TEX9: variants seen among roughly 807,000 people sequenced by gnomAD.
TEX9 encodes testis-expressed protein 9.
TEX9 carries 74 observed loss-of-function variants against 59.6 expected under a neutral mutation model. The observed-to-expected ratio is 1.24, with a 90% CI of 1.03 to 1.51. The LOEUF is 1.51. Ranked by LOEUF, TEX9 falls within the 40% of genes most tolerant of loss-of-function variation. The probability of loss-of-function intolerance (pLI) is 0.00; values close to 1 mark genes in which losing one functional copy is unlikely to be tolerated. For synonymous variants in TEX9, 186 were observed against 152.2 expected, an observed-to-expected ratio of 1.22 and a Z score of -1.64; for missense variants, 522 against 447.8, an observed-to-expected ratio of 1.17 and a Z score of -1.49.
At chr15:56,399,117 G>A (rs1220241356) in intron 9 of TEX9, among the ~76,000 whole-genome samples, 4 of 152,210 alleles carry the variant, frequency 2.6e-5, no homozygotes, top group Non-Finnish European at 5.9e-5. Flanking sequence ...TTGGACAGTG[G>A]GTGCAGCCCA....
intron 3 of TEX9, among the ~76,000 whole-genome samples, chr15:56,377,746 C>G (rs1265165567): frequency 6.6e-6 from 1 of 152,040 alleles, no homozygotes; most frequent in Non-Finnish European, 1.5e-5. Context: ...TGTCTGATTG[C>G]TCTAGTTAGG....
chr15:56,318,665 CTTG>C (rs796412485), intron 1 of TEX9, among the ~76,000 whole-genome samples: 58 of 151,860 alleles, frequency 3.8e-4, no homozygotes, highest in African/African-American at 1.3e-3. Flanking sequence ...TTTTAATTCT[CTTG>C]TTGTTTCTTT....
intron 2 of TEX9, among the ~76,000 whole-genome samples, chr15:56,367,433 A>G (rs1294025395): frequency 6.6e-6 from 1 of 152,186 alleles, no homozygotes; most frequent in African/African-American, 2.4e-5. Context: ...AGGGACCTCA[A>G]TCCAAAACCT....
intron 1 of TEX9, chr15:56,274,669 T>A (rs1328567087): frequency 6.6e-6 from 1 of 152,176 alleles, no homozygotes; most frequent in African/African-American, 2.4e-5. Flanking sequence ...CTAGAGAGTG[T>A]GTAGAACAGT....
chr15:56,413,280 ATAAT>A (rs2049490779), intron 10 of TEX9, among the ~76,000 whole-genome samples: 1 of 842 alleles, frequency 1.2e-3, no homozygotes, highest in South Asian at 0.071. Context: ...TAATAATTAA[ATAAT>A]TTAATAATAA....
At chr15:56,385,189 A>G (rs1177060492) in intron 4 of TEX9, among the ~76,000 whole-genome samples, 3 of 152,130 alleles carry the variant, frequency 2.0e-5, no homozygotes, top group African/African-American at 7.2e-5. Flanking sequence ...TTGGACTTTC[A>G]TATCTGTTCC....
At chr15:56,246,022 G>C (rs373605334) in intron 1 of TEX9, among the ~76,000 whole-genome samples, 1 of 152,150 alleles carries the variant, frequency 6.6e-6, no homozygotes, top group Non-Finnish European at 1.5e-5. Flanking sequence ...AGTCATCGAG[G>C]GGGTAACGTA....
At chr15:56,358,414 TGAA>T (rs2046727890) in intron 1 of TEX9, among the ~76,000 whole-genome samples, 1 of 151,826 alleles carries the variant, frequency 6.6e-6, no homozygotes, top group Admixed American at 6.6e-5. Flanking sequence ...ACAATTTTGT[TGAA>T]GAAGAAAATC....
intron 1 of TEX9, among the ~76,000 whole-genome samples, chr15:56,246,613 C>A (rs1261650768): frequency 1.3e-5 from 2 of 152,184 alleles, no homozygotes; most frequent in African/African-American, 4.8e-5. Flanking sequence ...ACTGAGGACC[C>A]TCAAGGACCC....
At chr15:56,413,333 CAAT>C (rs2049500833) in intron 10 of TEX9, among the ~76,000 whole-genome samples, 2 of 99,820 alleles carry the variant, frequency 2.0e-5, no homozygotes, top group African/African-American at 3.0e-5. Flanking sequence ...ATAATTAAAA[CAAT>C]ATTTAATAAT....
intron 1 of TEX9, among the ~76,000 whole-genome samples, chr15:56,339,681 C>A (rs1473282931): frequency 2.0e-5 from 3 of 152,152 alleles, no homozygotes; most frequent in South Asian, 2.1e-4. Flanking sequence ...TACGTCCCCC[C>A]GCCAATTTAT....
At chr15:56,355,983 A>G (rs1015586925) in intron 1 of TEX9, among the ~76,000 whole-genome samples, 2 of 152,050 alleles carry the variant, frequency 1.3e-5, no homozygotes, top group African/African-American at 4.8e-5. Flanking sequence ...TAATTTTTGT[A>G]TATTGACCTC....
intron 1 of TEX9, among the ~76,000 whole-genome samples, chr15:56,335,726 C>G (rs2046244637): frequency 6.6e-6 from 1 of 152,078 alleles, no homozygotes; most frequent in African/African-American, 2.4e-5. Context: ...AATCATTACA[C>G]TGTGCATATA....
At chr15:56,407,752 C>T (rs1311112784) in intron 9 of TEX9, among the ~76,000 whole-genome samples, 2 of 152,154 alleles carry the variant, frequency 1.3e-5, no homozygotes, top group Non-Finnish European at 2.9e-5. Context: ...AACACCCCTT[C>T]CAACCTCCTT....
exon 12 of TEX9, chr15:56,428,468 A>G (rs369727141): frequency 1.4e-5 from 22 of 1,526,932 alleles, no homozygotes; most frequent in African/African-American, 8.2e-5. Context: ...GTTAGTCTCT[A>G]TGACAGTATG....
intron 9 of TEX9, among the ~76,000 whole-genome samples, chr15:56,400,329 G>T (rs543532654): frequency 6.6e-6 from 1 of 152,172 alleles, no homozygotes; most frequent in African/African-American, 2.4e-5. Flanking sequence ...CGAAAACTCC[G>T]TGATGCGTGG....
upstream of TEX9, among the ~76,000 whole-genome samples, chr15:56,365,181 C>G (rs1396836891): frequency 6.6e-6 from 1 of 152,178 alleles, no homozygotes; most frequent in African/African-American, 2.4e-5. Context: ...AAAGGACCTG[C>G]CTGTTTTGGC....
At chr15:56,281,224 T>A (rs2044811911) in intron 1 of TEX9, among the ~76,000 whole-genome samples, 1 of 152,178 alleles carries the variant, frequency 6.6e-6, no homozygotes, top group South Asian at 2.1e-4. Context: ...CCCTTTAAAG[T>A]TAAATGAAAA....
At chr15:56,264,608 A>T (rs1289787012) in intron 1 of TEX9, among the ~76,000 whole-genome samples, 1 of 152,202 alleles carries the variant, frequency 6.6e-6, no homozygotes, top group Non-Finnish European at 1.5e-5. Context: ...ACAAGTATTT[A>T]TCAGTTTTTG....
Sources: allele counts gnomAD v4.1 joint callset (sites outside exome capture counted in the v4.1 genomes callset), GRCh38; gene constraint gnomAD v4.1.1; transcripts MANE v1.5; gene names NCBI Gene and HGNC (gene_info 2026-07-23, HGNC 2026-07-21).